The following SYT15 variants were observed in gnomAD, a reference collection of about 807,000 sequenced individuals.
SYT15 encodes the protein synaptotagmin 15, also known as synaptotagmin-15.
In SYT15, 4 loss-of-function variants were observed where a neutral mutation model predicts 30.1. That is an observed-to-expected ratio of 0.13 (90% CI 0.07 to 0.30). SYT15 has a LOEUF of 0.30. SYT15 is among the 10% of genes least tolerant of loss of function. The pLI is 1.00. For missense variants in SYT15, 49 were observed against 371.7 expected (o/e 0.13, Z 7.14); for synonymous variants, 19 against 166.3 (o/e 0.11, Z 6.82).
At chr10:46,596,312 A>G (rs1845684379), downstream of SYT15, 1 of 151,710 alleles carries the variant, frequency 6.6e-6, no homozygotes. Flanking sequence ...AAATTACTGC[A>G]AGAGTCTCGA....
rs1347364866 is a variant in SYT15 at position 46,591,428 on chromosome 10, CTA to C, written c.*3783_*3784del. 5.5e-5 allele frequency: 5 copies of C among 91,120 alleles called. 1 individual carries two copies. The highest frequency in any genetic ancestry group is 2.4e-4 in the Admixed American group (2 of 8,442). The allele number at this position is 91,120 out of a possible 1,614,324, so 5.6% of individuals were successfully genotyped here. A position where few individuals can be genotyped will look rare whatever the true frequency, so the allele number is the denominator to read the frequency against. On this transcript the variant is annotated 3_prime_UTR_variant, in exon 8 of 8. Transcript: ENST00000374321. Reference sequence around the variant, plus strand: ...ATTTGCTGTTATATTTTTATATAAACTATGTTTATGACATAAGTATAAACAAA... The same window carrying C: ...ATTTGCTGTTATATTTTTATATAAACTGTTTATGACATAAGTATAAACAAA...
intron 7 of SYT15, among the ~76,000 whole-genome samples, chr10:46,586,705 C>G (rs577210558): frequency 7.5e-6 from 1 of 132,548 alleles, no homozygotes; most frequent in Non-Finnish European, 1.6e-5. Context: ...GTTAGCTAGG[C>G]GTGGTGGTGC....
At chr10:46,595,133 C>G (rs1164086953), downstream of SYT15, among the ~76,000 whole-genome samples, 1 of 129,320 alleles carries the variant, frequency 7.7e-6, no homozygotes, top group Non-Finnish European at 1.6e-5. Flanking sequence ...AGGCAACTCA[C>G]TTTTTTTTTT....
downstream of SYT15, chr10:46,593,697 C>A (rs1845560565): frequency 7.3e-6 from 1 of 137,328 alleles, no homozygotes; most frequent in African/African-American, 2.9e-5. Flanking sequence ...GGAAAGTTCT[C>A]AGGCTATATT....
At position 46,590,889 on chromosome 10, in the gene SYT15, C is replaced by G. The variant is rs1327067343; in HGVS notation, c.*3242C>G. On this transcript the variant is annotated 3_prime_UTR_variant, in exon 8 of 8. Transcript: ENST00000374321. ...CTCCTTTATTCTTTGGATGTGATGA[C>G]TTATACTAATTGACTGTTGAATGTC... The G allele has an allele frequency of 1.0e-4, 14 of 136,586 alleles. 1 individual carries two copies. The highest frequency in any genetic ancestry group is 2.2e-4 in the Non-Finnish European group (14 of 64,024). The allele number at this position is 136,586 out of a possible 1,614,324, so 8.5% of individuals were successfully genotyped here.
chr10:46,593,116 C>T (rs1222639975), downstream of SYT15, among the ~76,000 whole-genome samples: 1 of 98,490 alleles, frequency 1.0e-5, no homozygotes, highest in Admixed American at 1.0e-4. Flanking sequence ...AGTTCAAAAC[C>T]AGCCCAGGCA....
rs201755794 is a variant in SYT15 at position 46,580,249 on chromosome 10, G to T, written c.93G>T (p.Arg31Ser). Residue 31 changes from arginine to serine, a missense_variant, in exon 2 of 8, where the codon AGG becomes AGT. By Grantham distance (110) the Arg-to-Ser change is moderately radical. Transcript: ENST00000374321. The part of the protein sequence containing the change: ...LIGASCCLWR[R>S]FCATLTYEEL... Reference sequence around the variant, plus strand: ...GGGCAAGCTGCTGTCTGTGGAGAAGGTTCTGTGCCACCCTCACCTATGAGG... The same window carrying T: ...GGGCAAGCTGCTGTCTGTGGAGAAGTTTCTGTGCCACCCTCACCTATGAGG... 1.7e-5 allele frequency: 17 copies of T among 1,002,924 alleles called. 2 individuals are homozygous for T. In the Admixed American group the frequency reaches 2.5e-4, roughly 15 times the overall value. The allele number at this position is 1,002,924 out of a possible 1,614,324, so 62.1% of individuals were successfully genotyped here. A position where few individuals can be genotyped will look rare whatever the true frequency, so the allele number is the denominator to read the frequency against.
chr10:46,580,719 C>T (rs28492810), intron 2 of SYT15, among the ~76,000 whole-genome samples, 175 bp from the exon 3 acceptor site: 1,222 of 65,762 alleles, frequency 0.019, 89 homozygotes, highest in East Asian at 0.08. Flanking sequence ...TGTGTGTGTG[C>T]GTGTGTGTGT....
At chr10:46,583,966 G>GTGCA in intron 5 of SYT15, 64 bp downstream of exon 5, 1 of 1,025,998 alleles carries the variant, frequency 9.7e-7, no homozygotes, top group Non-Finnish European at 1.4e-6. Flanking sequence ...ACAGGGCCCA[G>GTGCA]CACCTGCTGG....
At chr10:46,580,693 T>TGTGTGTGTGTGTGTGTGTGTGC (rs1844084771) in intron 2 of SYT15, among the ~76,000 whole-genome samples, 2 of 137,464 alleles carry the variant, frequency 1.5e-5, no homozygotes, top group African/African-American at 3.0e-5. Flanking sequence ...TGTGTGTGTG[T>TGTGTGTGTGTGTGTGTGTGTGC]GTGTGTGTGT....
chr10:46,580,711 T>C (rs1255976162), intron 2 of SYT15, among the ~76,000 whole-genome samples, 183 bp from the exon 3 acceptor site: 2,284 of 122,380 alleles, frequency 0.019, 367 homozygotes, highest in African/African-American at 0.075. Context: ...TGTGTGTGTG[T>C]GTGTGTGCGT....
Position 46,580,261 on chromosome 10 carries a change from C to G in SYT15, c.105C>G (p.Thr35=), listed in dbSNP as rs1555035966. 2 of 926,066 alleles carry G rather than the reference C, an allele frequency of 2.2e-6. No individual in the cohort carries two copies. Among genetic ancestry groups the G allele is most frequent in the Non-Finnish European group, 3.0e-6 (2 of 663,614 alleles). 57.4% of individuals were successfully genotyped at this position (926,066 alleles called of 1,614,324 possible). A position where few individuals can be genotyped will look rare whatever the true frequency, so the allele number is the denominator to read the frequency against. The change falls in exon 2 of 8, where the codon ACC becomes ACG. Residue 35 remains threonine (T), a synonymous_variant. Transcript: ENST00000374321. The stretch of plus-strand genomic sequence containing the variant: ...GTCTGTGGAGAAGGTTCTGTGCCAC[C>G]CTCACCTATGAGGAGCTGCCTGGGA... ...SCCLWRRFCA[T]LTYEELPGTP... is the part of the protein sequence containing the mutation.
downstream of SYT15, among the ~76,000 whole-genome samples, chr10:46,595,400 C>T: frequency 6.6e-6 from 1 of 152,032 alleles, no homozygotes; most frequent in Non-Finnish European, 1.5e-5. Flanking sequence ...ACCGCAACCT[C>T]TGCCTCCCAG....
Position 46,590,257 on chromosome 10 carries a change from C to T in SYT15, c.*2610C>T, listed in dbSNP as rs28697992. ...CTAGTATATACAGATTCTGTTGCTA[C>T]AAAACTATGTTGACCTTGTTATCCA... is the stretch of plus-strand genomic sequence containing the variant. On this transcript the variant is annotated 3_prime_UTR_variant, in exon 8 of 8. Coordinates refer to ENST00000374321, the MANE Select transcript of SYT15 (RefSeq NM_031912.5). The T allele has an allele frequency of 9.3e-3, 12 of 1,294 alleles. 2 individuals are homozygous for T. Among genetic ancestry groups the T allele is most frequent in the African/African-American group, 0.04 (9 of 224 alleles). 0.1% of individuals were successfully genotyped at this position (1,294 alleles called of 1,614,324 possible). A position where few individuals can be genotyped will look rare whatever the true frequency, so the allele number is the denominator to read the frequency against.
At position 46,583,894 on chromosome 10, in the gene SYT15, A is replaced by C; in HGVS notation, c.814A>C (p.Ser272Arg). The C allele has an allele frequency of 6.4e-7, 1 of 1,561,992 alleles. No individual in the cohort carries two copies. Among genetic ancestry groups the C allele is most frequent in the South Asian group, 1.2e-5 (1 of 86,698 alleles). The part of the protein sequence containing the change: ...RVIWRDLEAE[S>R]LEPPSEFGDL... The stretch of plus-strand genomic sequence containing the variant: ...CATCTGGAGAGACCTGGAGGCCGAG[A>C]GCCTGGAGGTATGGTCAAGGTCACC... Residue 272 changes from serine to arginine, a missense_variant, in exon 5 of 8, where the codon AGC (serine) becomes CGC (arginine). By Grantham distance (110) the Ser-to-Arg change is moderately radical (BLOSUM62 -1). Coordinates refer to ENST00000374321, the MANE Select transcript of SYT15 (RefSeq NM_031912.5).
rs1311829877 is a variant in SYT15, at chr10:46,590,661, G to C, written c.*3014G>C. The C allele has an allele frequency of 6.9e-6, 1 of 143,908 alleles. No homozygotes were observed. Among genetic ancestry groups the C allele is most frequent in the Admixed American group, 6.9e-5 (1 of 14,488 alleles). 8.9% of individuals were successfully genotyped at this position (143,908 alleles called of 1,614,324 possible). On this transcript the variant is annotated 3_prime_UTR_variant, in exon 8 of 8. Transcript: ENST00000374321. ...ATAAGTAGTGATAGTGGGTATTCTTGTCTCATCCTCAATCTCAGGGGTGGT... is the reference window on the plus strand; with the variant it reads ...ATAAGTAGTGATAGTGGGTATTCTTCTCTCATCCTCAATCTCAGGGGTGGT...
intron 7 of SYT15, among the ~76,000 whole-genome samples, chr10:46,586,241 CAAA>C (rs375456623): frequency 4.6e-5 from 1 of 21,644 alleles, no homozygotes; most frequent in Non-Finnish European, 9.2e-5. Flanking sequence ...CTGAATCTGT[CAAA>C]AAAAAAAAAA....
downstream of SYT15, chr10:46,596,786 G>T (rs1224483848): frequency 4.9e-5 from 21 of 432,748 alleles, 1 homozygote; most frequent in Admixed American, 1.0e-4. Context: ...CCCGCCCAAT[G>T]CCTGGAGCCA....
chr10:46,586,535 G>A (rs374485729), intron 7 of SYT15, among the ~76,000 whole-genome samples: 1,704 of 108,108 alleles, frequency 0.016, 50 homozygotes, highest in African/African-American at 0.062. Flanking sequence ...AACAGAGCGA[G>A]ACTTCGTCTC....
Sources: allele counts gnomAD v4.1 joint callset (sites outside exome capture counted in the v4.1 genomes callset), GRCh38; gene constraint gnomAD v4.1.1; transcripts MANE v1.5; gene names NCBI Gene and HGNC (gene_info 2026-07-23, HGNC 2026-07-21).